Variants in CCDC88C observed in about 807,000 individuals in gnomAD.
CCDC88C encodes the protein protein Daple.
CCDC88C carries 131 observed loss-of-function variants against 198.8 expected under a neutral mutation model. The observed-to-expected ratio is 0.66, with a 90% CI of 0.57 to 0.76. The LOEUF (loss-of-function observed/expected upper bound fraction) is 0.76, where lower values mean the gene tolerates loss of function less well. Among genes scored for constraint, CCDC88C ranks in the 30% least tolerant of loss-of-function variants. The pLI, the probability that CCDC88C is intolerant of heterozygous loss-of-function variation, is 0.00. For synonymous variants in CCDC88C, 1,166 were observed against 1,114.7 expected (o/e 1.05, Z -0.92); for missense variants, 2,553 against 2,631.6 (o/e 0.97, Z 0.65).
intron 25 of CCDC88C, chr14:91,285,671 T>G: frequency 7.8e-7 from 1 of 1,288,262 alleles, no homozygotes; most frequent in Non-Finnish European, 1.0e-6. Flanking sequence ...GGAAAGGGAT[T>G]AGAAATCTCC....
chr14:91,316,580 G>A (rs915708323), intron 13 of CCDC88C, among the ~76,000 whole-genome samples: 5 of 152,086 alleles, frequency 3.3e-5, no homozygotes, highest in Non-Finnish European at 7.4e-5. Context: ...CTGCCACCAC[G>A]CCCATCTAAT....
chr14:91,416,672 T>A, intron 2 of CCDC88C, 66 bp downstream of exon 2: 1 of 1,185,196 alleles, frequency 8.4e-7, no homozygotes, highest in Non-Finnish European at 1.2e-6. Flanking sequence ...AACCTTCCAC[T>A]CCATTTCTAC....
intron 4 of CCDC88C, among the ~76,000 whole-genome samples, chr14:91,345,464 T>A (rs1273869329): frequency 6.6e-6 from 1 of 151,900 alleles, no homozygotes; most frequent in African/African-American, 2.4e-5. Flanking sequence ...GTGCTGGGAT[T>A]ACAGACGTGA....
intron 10 of CCDC88C, among the ~76,000 whole-genome samples, chr14:91,337,513 T>C (rs754285371): frequency 2.6e-5 from 4 of 152,182 alleles, no homozygotes; most frequent in Non-Finnish European, 4.4e-5. Context: ...CTAAATTTTT[T>C]TATTTTTTGT....
chr14:91,345,365 A>G (rs1269876151), intron 4 of CCDC88C, among the ~76,000 whole-genome samples: 1 of 150,594 alleles, frequency 6.6e-6, no homozygotes, highest in Non-Finnish European at 1.5e-5. Flanking sequence ...GCTATTTTTG[A>G]ATTTTTAGTA....
At chr14:91,389,097 T>C (rs1250296979) in intron 3 of CCDC88C, among the ~76,000 whole-genome samples, 1 of 152,100 alleles carries the variant, frequency 6.6e-6, no homozygotes, top group East Asian at 1.9e-4. Flanking sequence ...ACAGAGACAC[T>C]CCTGTCCCCC....
At chr14:91,351,680 C>T (rs1359433798) in intron 4 of CCDC88C, among the ~76,000 whole-genome samples, 2 of 152,158 alleles carry the variant, frequency 1.3e-5, no homozygotes, top group East Asian at 1.9e-4. Flanking sequence ...CAAACGTGGA[C>T]TCTGGCAGGC....
Position 91,287,636 on chromosome 14 carries a change from C to CTT in CCDC88C, c.4441+1467_4441+1468dup, listed in dbSNP as rs71120129. On this transcript the variant is annotated intron_variant, in intron 25 of 29. Transcript: ENST00000389857. The stretch of plus-strand genomic sequence containing the variant: ...ATAGGCATGAGCCACTGCACCAGGT[C>CTT]TTTTTTTTTTTTTTTTTTTTTTTTT... 5.4e-3 allele frequency among the ~76,000 whole-genome samples: 408 copies of CTT among 75,636 alleles called. 15 individuals are homozygous for CTT. Among genetic ancestry groups the CTT allele is most frequent in the African/African-American group, 9.2e-3 (167 of 18,130 alleles). 49.6% of individuals were successfully genotyped at this position (75,636 alleles called of 152,430 possible). A position where few individuals can be genotyped will look rare whatever the true frequency, so the allele number is the denominator to read the frequency against.
chr14:91,304,075 G>T (rs374161912), intron 19 of CCDC88C, 97 bp from the exon 20 acceptor site: 3 of 1,399,500 alleles, frequency 2.1e-6, no homozygotes, highest in Non-Finnish European at 2.9e-6. Context: ...GAAAATAGCC[G>T]GGACCCTCAG....
chr14:91,373,717 G>T (rs1311846636), intron 3 of CCDC88C, among the ~76,000 whole-genome samples: 1 of 152,190 alleles, frequency 6.6e-6, no homozygotes, highest in Admixed American at 6.5e-5. Flanking sequence ...AGGTTCAGAA[G>T]TGACAAGTTT....
chr14:91,388,979 AAAAC>A (rs2139972647), intron 3 of CCDC88C, among the ~76,000 whole-genome samples: 1 of 152,268 alleles, frequency 6.6e-6, no homozygotes, highest in South Asian at 2.1e-4. Flanking sequence ...TCATGTGACA[AAAAC>A]AAAAGACAGA....
intron 3 of CCDC88C, among the ~76,000 whole-genome samples, chr14:91,363,623 T>C (rs1894405861): frequency 6.6e-6 from 1 of 152,266 alleles, no homozygotes; most frequent in East Asian, 1.9e-4. Flanking sequence ...AATAGACTTG[T>C]ATTCCCAGGT....
chr14:91,379,581 G>T, intron 3 of CCDC88C: 1 of 557,684 alleles, frequency 1.8e-6, no homozygotes, highest in Non-Finnish European at 3.2e-6. Context: ...GTGCCTCCAG[G>T]GGATCACACG....
intron 3 of CCDC88C, among the ~76,000 whole-genome samples, chr14:91,402,479 C>G (rs1480699901): frequency 6.6e-6 from 1 of 152,186 alleles, no homozygotes; most frequent in Middle Eastern, 3.2e-3. Flanking sequence ...TTATGGAAGT[C>G]TCGAAGAAAG....
chr14:91,310,229 T>G (rs1430955364), intron 15 of CCDC88C, among the ~76,000 whole-genome samples: 1 of 151,896 alleles, frequency 6.6e-6, no homozygotes, highest in South Asian at 2.1e-4. Flanking sequence ...GGATCTAATA[T>G]GCCACTTCTC....
rs114344272 is a variant in CCDC88C at position 91,285,289 on chromosome 14, C to G, written c.4442-1772G>C. On this transcript the variant is annotated intron_variant, in intron 25 of 29. Transcript: ENST00000389857. ...AAACCCTCACTTGACAGAGGCTGTA[C>G]ATTTTAGGAAGTGCAGCAACCACCC... 4.7e-3 allele frequency: 1,522 copies of G among 324,792 alleles called. 23 individuals are homozygous for G. Among genetic ancestry groups the G allele is most frequent in the African/African-American group, 0.031 (1,434 of 46,222 alleles). The allele number at this position is 324,792 out of a possible 1,614,324, so 20.1% of individuals were successfully genotyped here.
chr14:91,289,002 C>A, intron 25 of CCDC88C, 103 bp downstream of exon 25: 1 of 910,978 alleles, frequency 1.1e-6, no homozygotes, highest in South Asian at 1.4e-5. Context: ...ATGCAGTCAC[C>A]CACCCCTGGC....
intron 3 of CCDC88C, among the ~76,000 whole-genome samples, chr14:91,402,769 C>T (rs535589952): frequency 3.9e-5 from 6 of 152,170 alleles, no homozygotes; most frequent in African/African-American, 1.4e-4. Flanking sequence ...TTATTTTGAA[C>T]GACAGGTATG....
intron 3 of CCDC88C, among the ~76,000 whole-genome samples, chr14:91,382,287 A>G (rs1884852822): frequency 6.6e-6 from 1 of 152,140 alleles, no homozygotes; most frequent in Non-Finnish European, 1.5e-5. Context: ...CTGGGCAGCC[A>G]CAACCAATCA....
Sources: gnomAD v4.1 joint callset for allele counts (sites outside exome capture counted in the v4.1 genomes callset) on GRCh38, gnomAD v4.1.1 for gene constraint, MANE v1.5 for transcripts, NCBI Gene and HGNC (gene_info 2026-07-23, HGNC 2026-07-21) for gene names.